The following AFG1L variants were observed in gnomAD, a reference collection of about 807,000 sequenced individuals.
AFG1L encodes the protein AFG1 like ATPase.
A neutral mutation model predicts 62.2 loss-of-function variants in AFG1L; 53 were observed. The observed-to-expected ratio is 0.85, with a 90% confidence interval of 0.68 to 1.07. The LOEUF is 1.07. Ranked by LOEUF, AFG1L falls within the 50% of genes least tolerant of loss-of-function variation. The pLI, the probability that AFG1L is intolerant of heterozygous loss-of-function variation, is 0.00. For missense variants in AFG1L, 555 were observed against 590.5 expected (o/e 0.94, Z 0.62); for synonymous variants, 228 against 210.3 (o/e 1.08, Z -0.73).
At chr6:108,399,427 C>G (rs921287981) in intron 6 of AFG1L, among the ~76,000 whole-genome samples, 4 of 151,890 alleles carry the variant, frequency 2.6e-5, no homozygotes, top group African/African-American at 9.7e-5. Flanking sequence ...ACCTCATGAT[C>G]TGCCTGCCTC....
At chr6:108,505,432 C>G (rs1774376011) in intron 10 of AFG1L, among the ~76,000 whole-genome samples, 1 of 151,940 alleles carries the variant, frequency 6.6e-6, no homozygotes, top group Non-Finnish European at 1.5e-5. Flanking sequence ...AGGTAAAATC[C>G]AGGATGTACA....
Position 108,323,892 on chromosome 6 carries a change from G to A in AFG1L, c.207G>A (p.Leu69=), listed in dbSNP as rs762252386. The change falls in exon 2 of 13, where the codon TTG becomes TTA. Residue 69 remains leucine, a synonymous_variant. Coordinates refer to ENST00000368977, the MANE Select transcript of AFG1L (RefSeq NM_145315.5). The part of the protein sequence containing the change: ...TATSETYLKA[L]AVCHGPLDHY... ...CTTCAGAGACTTATTTGAAAGCTTT[G>A]GCCGTTTGCCATGGACCTCTGGACC... 10 of 1,614,024 alleles carry A rather than the reference G, an allele frequency of 6.2e-6. No homozygotes were observed. Among genetic ancestry groups the A allele is most frequent in the Non-Finnish European group, 4.2e-6 (5 of 1,180,014 alleles).
chr6:108,508,957 G>A (rs1310581774), intron 10 of AFG1L, among the ~76,000 whole-genome samples: 3 of 152,072 alleles, frequency 2.0e-5, no homozygotes, highest in African/African-American at 7.2e-5. Flanking sequence ...GGTCGATCAG[G>A]GTGACCCAGG....
intron 6 of AFG1L, among the ~76,000 whole-genome samples, chr6:108,390,890 G>C (rs539532818): frequency 1.3e-3 from 205 of 152,248 alleles, no homozygotes; most frequent in African/African-American, 4.7e-3. Flanking sequence ...TCTCTTCAAA[G>C]CTCAGTTGGA....
chr6:108,386,329 C>T (rs374481192), intron 6 of AFG1L, among the ~76,000 whole-genome samples: 9 of 151,970 alleles, frequency 5.9e-5, no homozygotes, highest in Admixed American at 1.3e-4. Flanking sequence ...GGCATGGTGG[C>T]GCATACCTGT....
At chr6:108,453,016 G>A (rs1476167987) in intron 8 of AFG1L, among the ~76,000 whole-genome samples, 1 of 152,216 alleles carries the variant, frequency 6.6e-6, no homozygotes, top group South Asian at 2.1e-4. Flanking sequence ...ATGTGATGGA[G>A]AGACCCATGG....
intron 10 of AFG1L, among the ~76,000 whole-genome samples, chr6:108,495,413 A>G (rs373828001): frequency 2.0e-5 from 3 of 152,204 alleles, no homozygotes; most frequent in African/African-American, 7.2e-5. Flanking sequence ...TTCAGCTGAA[A>G]TAATGGTAGC....
At chr6:108,312,423 T>C (rs1777447552) in intron 1 of AFG1L, among the ~76,000 whole-genome samples, 1 of 152,160 alleles carries the variant, frequency 6.6e-6, no homozygotes, top group Non-Finnish European at 1.5e-5. Context: ...AGTGTGTACC[T>C]GTAGTCCCAG....
chr6:108,397,451 T>A (rs1386628428), intron 6 of AFG1L, among the ~76,000 whole-genome samples: 1 of 152,186 alleles, frequency 6.6e-6, no homozygotes, highest in Non-Finnish European at 1.5e-5. Flanking sequence ...GAGACGGGAT[T>A]TCACCATGTT....
chr6:108,359,356 G>T (rs1245081831), intron 5 of AFG1L: 1 of 152,218 alleles, frequency 6.6e-6, no homozygotes, highest in Non-Finnish European at 1.5e-5. Flanking sequence ...GCAAAGAAAT[G>T]CAGGCCACAG....
rs144380676 is a variant in AFG1L at position 108,337,618 on chromosome 6, C to T, written c.364-9370C>T. On this transcript the variant is annotated intron_variant, in intron 2 of 12. Coordinates refer to ENST00000368977, the MANE Select transcript of AFG1L (RefSeq NM_145315.5). ...AGGCCTAAGGTTAGCAGAAATATCT[C>T]GTGTTCAGAAATGTTTGTTAGTGAT... 1.5e-4 allele frequency among the ~76,000 whole-genome samples: 23 copies of T among 152,172 alleles called. No homozygotes were observed. In the East Asian group the frequency reaches 4.2e-3, roughly 28 times the overall value.
At chr6:108,347,361 T>C (rs1037830047) in intron 3 of AFG1L, among the ~76,000 whole-genome samples, 2 of 152,356 alleles carry the variant, frequency 1.3e-5, no homozygotes, top group East Asian at 3.8e-4. Flanking sequence ...CCATGACTCA[T>C]TAACTCAGCT....
At chr6:108,315,096 C>G (rs1302458473) in intron 1 of AFG1L, among the ~76,000 whole-genome samples, 2 of 152,134 alleles carry the variant, frequency 1.3e-5, no homozygotes, top group East Asian at 3.9e-4. Context: ...ATCTGCCTGC[C>G]TCGAACTCCT....
At chr6:108,474,172 A>G (rs1039000166) in intron 8 of AFG1L, among the ~76,000 whole-genome samples, 1 of 152,112 alleles carries the variant, frequency 6.6e-6, no homozygotes, top group African/African-American at 2.4e-5. Flanking sequence ...GCTGAGGATA[A>G]TGGCTTCCAG....
chr6:108,477,362 G>A, intron 10 of AFG1L, 70 bp downstream of exon 10: 2 of 834,584 alleles, frequency 2.4e-6, no homozygotes, highest in East Asian at 2.6e-5. Context: ...TTTCCTCTCT[G>A]CCCATTTCAG....
At chr6:108,480,246 A>G (rs1298461572) in intron 10 of AFG1L, among the ~76,000 whole-genome samples, 1 of 152,228 alleles carries the variant, frequency 6.6e-6, no homozygotes, top group Admixed American at 6.5e-5. Context: ...ACATAATAAT[A>G]ATAATGAATA....
intron 10 of AFG1L, among the ~76,000 whole-genome samples, chr6:108,499,308 A>G (rs2114871953): frequency 6.6e-6 from 1 of 151,960 alleles, no homozygotes; most frequent in East Asian, 2.0e-4. Context: ...AGCTCAAGCA[A>G]TCCACCAACC....
intron 1 of AFG1L, among the ~76,000 whole-genome samples, chr6:108,300,135 A>T (rs1776923810): frequency 6.6e-6 from 1 of 150,936 alleles, no homozygotes. Flanking sequence ...CATACATAGG[A>T]GTTTATTCCC....
intron 8 of AFG1L, among the ~76,000 whole-genome samples, chr6:108,467,947 T>G (rs1488242144): frequency 1.3e-5 from 2 of 152,192 alleles, no homozygotes; most frequent in East Asian, 3.9e-4. Context: ...GACTGCAGGT[T>G]TTCTACTGGA....
Sources: gnomAD v4.1 joint callset for allele counts (sites outside exome capture counted in the v4.1 genomes callset) on GRCh38, gnomAD v4.1.1 for gene constraint, MANE v1.5 for transcripts, NCBI Gene and HGNC (gene_info 2026-07-23, HGNC 2026-07-21) for gene names.